ACACB: variants seen among roughly 807,000 people sequenced by gnomAD.
ACACB encodes acetyl-CoA carboxylase beta.
In ACACB, 209 loss-of-function variants were observed where a neutral mutation model predicts 278.8. The ratio of observed to expected loss-of-function variants is 0.75; its 90% CI spans 0.67 to 0.84. The LOEUF is 0.84. ACACB is among the 40% of genes least tolerant of loss of function. The pLI is 0.00. For synonymous variants in ACACB, 1,174 were observed against 1,285.6 expected, an observed-to-expected ratio of 0.91 and a Z score of 1.86; for missense variants, 2,850 against 3,269.0, an observed-to-expected ratio of 0.87 and a Z score of 3.13.
At chr12:109,245,545 G>A (rs2046916051) in intron 37 of ACACB, 81 bp from the exon 38 acceptor site, 2 of 1,472,816 alleles carry the variant, frequency 1.4e-6, no homozygotes, top group Non-Finnish European at 1.8e-6. Flanking sequence ...CTGGAATCAT[G>A]ACAGATCATC....
chr12:109,183,616 T>A (rs1174116588), intron 11 of ACACB, among the ~76,000 whole-genome samples: 8 of 152,172 alleles, frequency 5.3e-5, no homozygotes, highest in Non-Finnish European at 1.2e-4. Context: ...TGCTACTGAT[T>A]TTTATATGTT....
intron 37 of ACACB, 91 bp from the exon 38 acceptor site, chr12:109,245,535 C>G (rs966032526): frequency 1.4e-6 from 2 of 1,391,002 alleles, no homozygotes; most frequent in African/African-American, 1.4e-5. Flanking sequence ...AGAATTCACC[C>G]TGGAATCATG....
chr12:109,233,914 C>G, intron 30 of ACACB, 24 bp from the exon 31 acceptor site: 1 of 1,613,554 alleles, frequency 6.2e-7, no homozygotes, highest in Non-Finnish European at 8.5e-7. Context: ...CTTTCCAGCC[C>G]TACCCCTTGC....
In ACACB at chr12:109,133,871, T is replaced by A. The variant is rs12815737; in HGVS notation, c.-9-5526T>A. The stretch of plus-strand genomic sequence containing the variant: ...TATATATATATATATATATTTTTTT[T>A]TTTTTTTTTTTCATTTTTTCAGCAC... On this transcript the variant is annotated intron_variant, in intron 1 of 52. Coordinates refer to ENST00000338432, the MANE Select transcript of ACACB (RefSeq NM_001093.4). Among the ~76,000 whole-genome samples the A allele has an allele frequency of 8.5e-3, 427 of 50,024 alleles. 2 individuals are homozygous for A. Among genetic ancestry groups the A allele is most frequent in the African/African-American group, 0.024 (289 of 12,006 alleles). The allele number at this position is 50,024 out of a possible 152,430, so 32.8% of individuals were successfully genotyped here.
intron 24 of ACACB, among the ~76,000 whole-genome samples, chr12:109,221,428 C>T (rs1441158463): frequency 5.3e-5 from 8 of 152,140 alleles, no homozygotes; most frequent in Admixed American, 4.6e-4. Flanking sequence ...CTGAGCTGTT[C>T]CCAAGCCCCA....
rs1338631519 is a variant in ACACB at position 109,139,822 on chromosome 12, C to G, written c.417C>G (p.Pro139=). 1.2e-6 allele frequency: 2 copies of G among 1,614,220 alleles called. No individual in the cohort carries two copies. The highest frequency in any genetic ancestry group is 1.7e-6 in the Non-Finnish European group (2 of 1,180,018). ...DTNGLSSSAR[P]QGQQAGSPSK... is the part of the protein sequence containing the mutation. ...ATGGCCTGTCCTCCTCAGCCAGGCC[C>G]CAGGGCCAGCAAGCTGGCTCCCCCT... The change falls in exon 2 of 53, where the codon CCC becomes CCG. Residue 139 remains proline, a synonymous_variant. Transcript: ENST00000338432.
chr12:109,209,469 C>A, intron 21 of ACACB, 116 bp downstream of exon 21: 1 of 1,059,160 alleles, frequency 9.4e-7, no homozygotes, highest in Admixed American at 2.7e-5. Flanking sequence ...CCACTTATAG[C>A]CTAACATATC....
At chr12:109,210,551 A>G (rs890731654) in intron 21 of ACACB, among the ~76,000 whole-genome samples, 2 of 148,930 alleles carry the variant, frequency 1.3e-5, no homozygotes, top group African/African-American at 4.9e-5. Context: ...GTGCATGTAT[A>G]TATACATATA....
intron 40 of ACACB, chr12:109,249,119 T>C (rs967121107): frequency 6.6e-6 from 1 of 152,196 alleles, no homozygotes; most frequent in Admixed American, 6.5e-5. Context: ...CACGGAATCA[T>C]AGAAACCGTC....
chr12:109,254,365 G>C, intron 44 of ACACB, 31 bp downstream of exon 44: 1 of 1,577,718 alleles, frequency 6.3e-7, no homozygotes, highest in Non-Finnish European at 8.5e-7. Context: ...CCTAGGACCT[G>C]GTCTCGGGTT....
intron 25 of ACACB, 69 bp from the exon 26 acceptor site, chr12:109,222,730 G>C (rs7968027): frequency 0.037 from 57,221 of 1,540,974 alleles, 1,388 homozygotes; most frequent in Non-Finnish European, 0.041. Flanking sequence ...CTGCCGGCCC[G>C]TGCCCGAGCC....
At chr12:109,179,802 A>G (rs2044404753) in intron 10 of ACACB, 115 bp from the exon 11 acceptor site, 3 of 1,278,200 alleles carry the variant, frequency 2.3e-6, no homozygotes, top group Non-Finnish European at 1.1e-6. Context: ...GTCCCAAAAT[A>G]TTTCACATGT....
chr12:109,178,782 G>T (rs2044359119), intron 9 of ACACB, among the ~76,000 whole-genome samples: 1 of 152,216 alleles, frequency 6.6e-6, no homozygotes, highest in African/African-American at 2.4e-5. Flanking sequence ...TGGTGCTGGA[G>T]GAGGGGCTGT....
chr12:109,156,259 G>T (rs768028265), intron 2 of ACACB, among the ~76,000 whole-genome samples: 1 of 151,586 alleles, frequency 6.6e-6, no homozygotes, highest in Non-Finnish European at 1.5e-5. Context: ...CCCAGGTGTG[G>T]TGGCTCATGC....
chr12:109,174,023 G>A (rs1260409432), intron 6 of ACACB, 109 bp from the exon 7 acceptor site: 1 of 832,590 alleles, frequency 1.2e-6, no homozygotes, highest in Non-Finnish European at 1.8e-6. Flanking sequence ...AATTTTCTCT[G>A]TCATCTGCTC....
At chr12:109,148,781 GT>G (rs945808243) in intron 2 of ACACB, among the ~76,000 whole-genome samples, 1 of 152,072 alleles carries the variant, frequency 6.6e-6, no homozygotes. Context: ...CTTAGTAAAT[GT>G]GCCTAATAAA....
At chr12:109,250,392 A>G (rs1027216537) in intron 41 of ACACB, among the ~76,000 whole-genome samples, 1 of 152,238 alleles carries the variant, frequency 6.6e-6, no homozygotes, top group Admixed American at 6.5e-5. Flanking sequence ...TTTTAAAAAC[A>G]TAACTGAAAT....
chr12:109,123,192 A>G (rs1306962433), intron 1 of ACACB, among the ~76,000 whole-genome samples: 2 of 151,916 alleles, frequency 1.3e-5, no homozygotes, highest in Non-Finnish European at 2.9e-5. Flanking sequence ...AAAAAAAAAA[A>G]AAAATTTTTA....
At chr12:109,178,229 T>C (rs1447699912) in intron 9 of ACACB, among the ~76,000 whole-genome samples, 1 of 152,234 alleles carries the variant, frequency 6.6e-6, no homozygotes, top group African/African-American at 2.4e-5. Context: ...TTTGTTAAAC[T>C]TAATTTGTCT....
Sources: gnomAD v4.1 joint callset for allele counts (sites outside exome capture counted in the v4.1 genomes callset) on GRCh38, gnomAD v4.1.1 for gene constraint, MANE v1.5 for transcripts, NCBI Gene and HGNC (gene_info 2026-07-23, HGNC 2026-07-21) for gene names.